SPOCK1: variants seen among roughly 807,000 people sequenced by gnomAD.
SPOCK1 encodes testican-1.
In SPOCK1, 23 loss-of-function variants were observed where a neutral mutation model predicts 55.3. The ratio of observed to expected loss-of-function variants is 0.42; its 90% CI spans 0.30 to 0.59. The LOEUF (loss-of-function observed/expected upper bound fraction) is 0.59, where lower values mean the gene tolerates loss of function less well. SPOCK1 is among the 20% of genes least tolerant of loss of function. The probability of loss-of-function intolerance (pLI) is 0.22; values close to 1 mark genes in which losing one functional copy is unlikely to be tolerated. For missense variants in SPOCK1, 499 were observed against 552.5 expected (o/e 0.90, Z 0.97); for synonymous variants, 226 against 221.0 (o/e 1.02, Z -0.20).
chr5:137,056,702 T>A (rs1243416829), intron 6 of SPOCK1, among the ~76,000 whole-genome samples: 2 of 152,096 alleles, frequency 1.3e-5, no homozygotes, highest in African/African-American at 4.8e-5. Flanking sequence ...ATCTACTTGG[T>A]TGACAGCCTC....
intron 3 of SPOCK1, among the ~76,000 whole-genome samples, chr5:137,170,003 A>G (rs910223475): frequency 1.3e-5 from 2 of 152,238 alleles, no homozygotes; most frequent in Non-Finnish European, 2.9e-5. Context: ...CAACTACAGA[A>G]GTTAACATTC....
chr5:137,291,232 G>A (rs1034518361), intron 2 of SPOCK1, among the ~76,000 whole-genome samples: 2 of 152,206 alleles, frequency 1.3e-5, no homozygotes, highest in African/African-American at 4.8e-5. Flanking sequence ...TGGAGGAGCA[G>A]AGCCACCAGG....
intron 3 of SPOCK1, among the ~76,000 whole-genome samples, chr5:137,181,149 A>G (rs946894081): frequency 3.9e-5 from 6 of 152,172 alleles, no homozygotes; most frequent in Non-Finnish European, 5.9e-5. Context: ...GATGGAAGGA[A>G]TAGTATCAAG....
chr5:137,280,035 A>G (rs1757138265), intron 2 of SPOCK1, among the ~76,000 whole-genome samples: 1 of 152,170 alleles, frequency 6.6e-6, no homozygotes, highest in South Asian at 2.1e-4. Context: ...AGGACCCTGG[A>G]GGTCCCCCGC....
At chr5:137,347,947 T>C (rs1437243900) in intron 2 of SPOCK1, among the ~76,000 whole-genome samples, 2 of 152,302 alleles carry the variant, frequency 1.3e-5, no homozygotes, top group East Asian at 3.9e-4. Context: ...CCTGGCCATC[T>C]TGTTAAAATG....
chr5:137,408,323 G>A (rs1329194498), intron 2 of SPOCK1, among the ~76,000 whole-genome samples: 2 of 152,300 alleles, frequency 1.3e-5, no homozygotes, highest in East Asian at 3.9e-4. Context: ...CAGATAGTCA[G>A]GAGTGGGGAT....
intron 2 of SPOCK1, among the ~76,000 whole-genome samples, chr5:137,441,619 G>C (rs1276962630): frequency 6.6e-6 from 1 of 152,160 alleles, no homozygotes; most frequent in East Asian, 1.9e-4. Context: ...TCACTTTGGA[G>C]GCTCTGACCC....
At chr5:136,987,709 T>C (rs890266214) in intron 8 of SPOCK1, among the ~76,000 whole-genome samples, 9 of 152,196 alleles carry the variant, frequency 5.9e-5, no homozygotes, top group African/African-American at 1.9e-4. Context: ...CGGTGGGATA[T>C]ACCAGCTATG....
intron 6 of SPOCK1, among the ~76,000 whole-genome samples, chr5:137,032,008 AAAAG>A (rs1289947333): frequency 6.1e-5 from 9 of 147,960 alleles, no homozygotes; most frequent in African/African-American, 2.0e-4. Context: ...ATATATAATA[AAAAG>A]AAATATATAT....
chr5:137,259,398 C>A (rs1418273733), intron 3 of SPOCK1, among the ~76,000 whole-genome samples: 1 of 152,060 alleles, frequency 6.6e-6, no homozygotes, highest in Non-Finnish European at 1.5e-5. Context: ...AACAGAAAAC[C>A]AAACACTGCA....
intron 2 of SPOCK1, among the ~76,000 whole-genome samples, chr5:137,413,815 T>C (rs1752265563): frequency 6.6e-6 from 1 of 152,188 alleles, no homozygotes; most frequent in Admixed American, 6.5e-5. Flanking sequence ...AAACTGTTCA[T>C]AATGAGCCCC....
intron 4 of SPOCK1, among the ~76,000 whole-genome samples, chr5:137,121,037 T>G (rs958671224): frequency 6.6e-6 from 1 of 152,220 alleles, no homozygotes; most frequent in African/African-American, 2.4e-5. Flanking sequence ...AGCTAAGCTA[T>G]CAAAGCTGAA....
chr5:136,999,111 CAG>C (rs1204708295), intron 6 of SPOCK1, among the ~76,000 whole-genome samples: 3 of 152,134 alleles, frequency 2.0e-5, no homozygotes, highest in African/African-American at 7.2e-5. Context: ...TGAATGCAGA[CAG>C]TGTTCAAACA....
intron 6 of SPOCK1, among the ~76,000 whole-genome samples, chr5:137,020,612 C>T (rs1751546684): frequency 6.6e-6 from 1 of 151,724 alleles, no homozygotes; most frequent in African/African-American, 2.4e-5. Context: ...AAAGACACTA[C>T]AAAGAGTAAA....
At chr5:137,043,771 G>A (rs1488837437) in intron 6 of SPOCK1, among the ~76,000 whole-genome samples, 1 of 152,162 alleles carries the variant, frequency 6.6e-6, no homozygotes, top group African/African-American at 2.4e-5. Context: ...CCAAAATGAG[G>A]AAAATGTTAG....
chr5:137,307,403 C>G (rs972088125), intron 2 of SPOCK1, among the ~76,000 whole-genome samples: 56 of 152,212 alleles, frequency 3.7e-4, no homozygotes, highest in African/African-American at 1.4e-3. Flanking sequence ...AAACACGGCC[C>G]CACCATACAG....
At chr5:137,370,274 A>G (rs1751170554) in intron 2 of SPOCK1, among the ~76,000 whole-genome samples, 1 of 152,196 alleles carries the variant, frequency 6.6e-6, no homozygotes, top group Non-Finnish European at 1.5e-5. Context: ...AGATGTGATT[A>G]CATGCTGAGC....
At chr5:137,208,944 T>C (rs1755564471) in intron 3 of SPOCK1, among the ~76,000 whole-genome samples, 1 of 152,260 alleles carries the variant, frequency 6.6e-6, no homozygotes, top group South Asian at 2.1e-4. Context: ...AATGTGGAGT[T>C]AGCTCTGTCT....
chr5:137,098,646 T>A (rs553014859), intron 5 of SPOCK1, among the ~76,000 whole-genome samples: 1 of 152,358 alleles, frequency 6.6e-6, no homozygotes, highest in East Asian at 1.9e-4. Flanking sequence ...ACCTCTCTTG[T>A]TCCCATCACC....
Sources: gnomAD v4.1 joint callset for allele counts (sites outside exome capture counted in the v4.1 genomes callset) on GRCh38, gnomAD v4.1.1 for gene constraint, MANE v1.5 for transcripts, NCBI Gene and HGNC (gene_info 2026-07-23, HGNC 2026-07-21) for gene names.